Variants in TMTC2 observed in about 807,000 individuals in gnomAD.
TMTC2 encodes the protein transmembrane O-mannosyltransferase targeting cadherins 2, also known as protein O-mannosyl-transferase TMTC2.
A neutral mutation model predicts 82.4 loss-of-function variants in TMTC2; 43 were observed. That is an observed-to-expected ratio of 0.52 (90% confidence interval 0.41 to 0.67). The LOEUF (loss-of-function observed/expected upper bound fraction) is 0.67. Among genes scored for constraint, TMTC2 ranks in the 30% least tolerant of loss-of-function variants. The pLI is 0.00. For synonymous variants in TMTC2, 408 were observed against 381.9 expected, an observed-to-expected ratio of 1.07 and a Z score of -0.80; for missense variants, 919 against 1,012.4, an observed-to-expected ratio of 0.91 and a Z score of 1.25.
intron 2 of TMTC2, among the ~76,000 whole-genome samples, chr12:82,857,947 T>C (rs923434771): frequency 5.5e-4 from 84 of 152,340 alleles, no homozygotes; most frequent in African/African-American, 1.9e-3. Context: ...CGGCTGATAA[T>C]AGAGCTAGAT....
Position 83,033,746 on chromosome 12 carries a change from T to A in TMTC2, c.2152+2867T>A, listed in dbSNP as rs550949831. ...AGCCTGGGTGAGAGAGCAAGACTCT[T>A]GTCTCAAAAAAAATAAATAAATAAA... On this transcript the variant is annotated intron_variant, in intron 9 of 11. Coordinates refer to ENST00000321196, the MANE Select transcript of TMTC2 (RefSeq NM_152588.3). Among the ~76,000 whole-genome samples the A allele has an allele frequency of 5.9e-5, 9 of 151,450 alleles. No individual in the cohort carries two copies. The East Asian group carries it at 1.7e-3, about 29-fold the overall frequency.
intron 2 of TMTC2, among the ~76,000 whole-genome samples, chr12:82,872,504 A>G (rs1309493027): frequency 6.6e-6 from 1 of 152,160 alleles, no homozygotes; most frequent in East Asian, 1.9e-4. Context: ...AATCAACCAT[A>G]TTATTTATGT....
intron 8 of TMTC2, among the ~76,000 whole-genome samples, chr12:83,021,245 C>T (rs375176469): frequency 1.2e-4 from 19 of 152,222 alleles, no homozygotes; most frequent in East Asian, 1.2e-3. Context: ...TGCCAATTCT[C>T]GGCCTATGGC....
At chr12:83,027,077 ACTC>A (rs1389727780) in intron 8 of TMTC2, among the ~76,000 whole-genome samples, 1 of 151,952 alleles carries the variant, frequency 6.6e-6, no homozygotes, top group African/African-American at 2.4e-5. Flanking sequence ...TGTTTTTAAT[ACTC>A]AATACAGTCC....
chr12:83,051,118 G>GGA, intron 10 of TMTC2, 100 bp downstream of exon 10: 2 of 758,446 alleles, frequency 2.6e-6, no homozygotes, highest in Non-Finnish European at 4.2e-6. Flanking sequence ...TTCTCAATGT[G>GGA]AGTCAATCAC....
chr12:82,773,440 A>G (rs1052182844), intron 1 of TMTC2, among the ~76,000 whole-genome samples: 1 of 151,480 alleles, frequency 6.6e-6, no homozygotes, highest in African/African-American at 2.4e-5. Context: ...ATTCATCCAC[A>G]GCAAAATGAG....
chr12:82,857,442 C>G lies in TMTC2; in HGVS notation c.516C>G (p.Phe172Leu). The change falls in exon 2 of 12, where the codon TTC becomes TTG. Residue 172 changes from phenylalanine (F) to leucine (L), a missense_variant. By Grantham distance (22) the Phe-to-Leu change is conservative. Transcript: ENST00000321196. ...ACTCAGCCAGAACCTGGGGCTGGTT[C>G]CTGGGGTCAGGACTGTGCGCAGGAT... ...RGYSARTWGW[F>L]LGSGLCAGCS... The G allele has an allele frequency of 1.2e-5, 20 of 1,614,186 alleles. No individual in the cohort carries two copies. The highest frequency in any genetic ancestry group is 1.6e-5 in the Non-Finnish European group (19 of 1,180,038).
chr12:82,741,772 G>A (rs180898970), intron 1 of TMTC2, among the ~76,000 whole-genome samples: 363 of 152,300 alleles, frequency 2.4e-3, no homozygotes, highest in Non-Finnish European at 3.9e-3. Context: ...CTTCCTGTCT[G>A]CTCTCCTTTA....
intron 1 of TMTC2, among the ~76,000 whole-genome samples, chr12:82,710,160 A>G (rs980508926): frequency 6.6e-6 from 1 of 152,148 alleles, no homozygotes; most frequent in African/African-American, 2.4e-5. Flanking sequence ...GTTGAATTTT[A>G]TTTCCCAACT....
At position 82,801,253 on chromosome 12, in the gene TMTC2, C is replaced by T. The variant is rs561222831; in HGVS notation, c.84-55757C>T. On this transcript the variant is annotated intron_variant, in intron 1 of 11. Transcript: ENST00000321196. ...TTACAGTTCTTAAAGGCGGTGTGTCCGGAGTTTGTTCTTTCCTCCCGGTGG... is the reference window on the plus strand; with the variant it reads ...TTACAGTTCTTAAAGGCGGTGTGTCTGGAGTTTGTTCTTTCCTCCCGGTGG... 3.2e-4 allele frequency among the ~76,000 whole-genome samples: 49 copies of T among 152,054 alleles called. No individual in the cohort carries two copies. In the South Asian group the frequency reaches 3.6e-3, roughly 11 times the overall value.
At chr12:82,954,208 T>C (rs1877493702) in intron 4 of TMTC2, among the ~76,000 whole-genome samples, 1 of 152,184 alleles carries the variant, frequency 6.6e-6, no homozygotes, top group African/African-American at 2.4e-5. Context: ...CTGTAACTCT[T>C]GAGTTTTCGT....
intron 1 of TMTC2, among the ~76,000 whole-genome samples, chr12:82,743,501 A>G (rs896622638): frequency 4.6e-5 from 7 of 152,026 alleles, no homozygotes; most frequent in Non-Finnish European, 1.0e-4. Flanking sequence ...ATGTTAGACA[A>G]GAACTGCCAA....
rs201885012 is a variant in TMTC2, at chr12:82,857,451, A to G, written c.525A>G (p.Ser175=). The change falls in exon 2 of 12, where the codon TCA becomes TCG. Residue 175 remains serine (S), a synonymous_variant. Transcript: ENST00000321196. ...SARTWGWFLG[S]GLCAGCSMLW... The stretch of plus-strand genomic sequence containing the variant: ...GAACCTGGGGCTGGTTCCTGGGGTC[A>G]GGACTGTGCGCAGGATGCAGCATGT... The G allele has an allele frequency of 2.7e-5, 43 of 1,614,230 alleles. No homozygotes were observed. In the Admixed American group the frequency reaches 4.0e-4, roughly 15 times the overall value.
chr12:83,019,490 A>G (rs17010453), intron 8 of TMTC2, among the ~76,000 whole-genome samples: 2,237 of 152,220 alleles, frequency 0.015, 51 homozygotes, highest in African/African-American at 0.05. Context: ...GTTTCACTTT[A>G]CTGTCAACCT....
At chr12:83,096,441 A>G (rs1884032281) in intron 11 of TMTC2, among the ~76,000 whole-genome samples, 1 of 151,816 alleles carries the variant, frequency 6.6e-6, no homozygotes, top group Non-Finnish European at 1.5e-5. Context: ...TGCTGCTTAT[A>G]AAGACATACC....
intron 11 of TMTC2, among the ~76,000 whole-genome samples, chr12:83,095,218 G>T (rs370851775): frequency 4.3e-4 from 60 of 139,472 alleles, no homozygotes; most frequent in African/African-American, 1.4e-3. Context: ...AAATTTCATG[G>T]TTTTTTTTTT....
At chr12:82,941,185 A>AT (rs1263214769) in intron 4 of TMTC2, among the ~76,000 whole-genome samples, 2 of 151,858 alleles carry the variant, frequency 1.3e-5, no homozygotes, top group African/African-American at 2.4e-5. Flanking sequence ...TCTTTCTTAT[A>AT]TTTTTTTTAA....
intron 11 of TMTC2, among the ~76,000 whole-genome samples, chr12:83,091,323 GT>G (rs1208157204): frequency 3.9e-5 from 6 of 152,036 alleles, no homozygotes; most frequent in African/African-American, 1.4e-4. Flanking sequence ...TCATTTATTT[GT>G]TTTTTCCCCA....
In TMTC2 at chr12:82,936,184, A is replaced by G. The variant is rs145072307; in HGVS notation, c.1598+5639A>G. On this transcript the variant is annotated intron_variant, in intron 4 of 11. Transcript: ENST00000321196. ...ATATTGGCCCAAGAAAAGATGGGCA[A>G]TCTCAATCAAAAACCTTGGAAAACT... Among the ~76,000 whole-genome samples, 949 of 152,216 alleles carry G rather than the reference A, an allele frequency of 6.2e-3. 27 individuals carry two copies. Among genetic ancestry groups the G allele is most frequent in the Admixed American group, 0.045 (695 of 15,292 alleles).
Sources: gnomAD v4.1 joint callset for allele counts (sites outside exome capture counted in the v4.1 genomes callset) on GRCh38, gnomAD v4.1.1 for gene constraint, MANE v1.5 for transcripts, NCBI Gene and HGNC (gene_info 2026-07-23, HGNC 2026-07-21) for gene names.